The following RELN variants were observed in gnomAD, a reference collection of about 807,000 sequenced individuals.
The protein encoded by RELN is reelin.
Under a neutral mutation model 427.6 loss-of-function variants are expected in RELN, and 108 were observed. The observed-to-expected ratio is 0.25, with a 90% CI of 0.22 to 0.30. RELN has a LOEUF of 0.30. Among genes scored for constraint, RELN ranks in the 10% least tolerant of loss-of-function variants. RELN has a pLI of 1.00. For missense variants in RELN, 3,715 were observed against 4,302.8 expected (o/e 0.86, Z 3.82); for synonymous variants, 1,524 against 1,513.4 (o/e 1.01, Z -0.16).
intron 3 of RELN, among the ~76,000 whole-genome samples, chr7:103,828,441 T>G (rs1332651206): frequency 6.6e-6 from 1 of 152,006 alleles, no homozygotes; most frequent in Non-Finnish European, 1.5e-5. Context: ...TTGTCCATGC[T>G]CAGTATCTTA....
intron 3 of RELN, among the ~76,000 whole-genome samples, chr7:103,829,285 C>T (rs1793218443): frequency 6.6e-6 from 1 of 151,258 alleles, no homozygotes; most frequent in Admixed American, 6.6e-5. Flanking sequence ...GGCTTTCTTT[C>T]TTCTTTCTTT....
Position 103,515,526 on chromosome 7 carries a change from G to A in RELN, c.7863-85C>T, listed in dbSNP as rs1381904269. ...GTAAAAGATTTACAACCAGCCATAA[G>A]ATAATGTATGTCACATGGTGGGTGA... On this transcript the variant is annotated intron_variant, in intron 49 of 64. Transcript: ENST00000428762. 2.6e-6 allele frequency: 4 copies of A among 1,549,932 alleles called. No homozygotes were observed. The African/African-American group carries it at 4.1e-5, about 16-fold the overall frequency.
intron 1 of RELN, among the ~76,000 whole-genome samples, chr7:103,945,378 A>G (rs1796199510): frequency 6.6e-6 from 1 of 152,172 alleles, no homozygotes; most frequent in African/African-American, 2.4e-5. Flanking sequence ...GACACTTTCC[A>G]ACAGCTGATC....
chr7:103,979,833 C>A (rs577112197), intron 1 of RELN, among the ~76,000 whole-genome samples: 138 of 152,296 alleles, frequency 9.1e-4, no homozygotes, highest in African/African-American at 3.1e-3. Flanking sequence ...TATATAAGTT[C>A]TATTAGTGTG....
chr7:103,571,231 G>A (rs1341789542), intron 31 of RELN, among the ~76,000 whole-genome samples: 11 of 152,198 alleles, frequency 7.2e-5, no homozygotes, highest in Non-Finnish European at 1.3e-4. Context: ...AACTTAGAAG[G>A]TGCAAACTCT....
At chr7:103,834,772 G>A (rs1793359401) in intron 2 of RELN, among the ~76,000 whole-genome samples, 2 of 152,132 alleles carry the variant, frequency 1.3e-5, no homozygotes, top group African/African-American at 4.8e-5. Context: ...ATATTAGAAT[G>A]TCCCAAATCC....
chr7:103,790,213 T>C (rs1311526632), intron 3 of RELN, among the ~76,000 whole-genome samples: 4 of 151,992 alleles, frequency 2.6e-5, no homozygotes, highest in Non-Finnish European at 4.4e-5. Context: ...AGTGATAGCA[T>C]TGGGAGAAAT....
chr7:103,907,303 C>G (rs934370272), intron 2 of RELN, among the ~76,000 whole-genome samples: 1 of 142,910 alleles, frequency 7.0e-6, no homozygotes, highest in African/African-American at 2.6e-5. Context: ...GTAGTCCCAG[C>G]TTCTCGGGAG....
In RELN at chr7:103,824,927, C is replaced by T. The variant is rs944303574; in HGVS notation, c.473+8610G>A. 5.3e-5 allele frequency among the ~76,000 whole-genome samples: 8 copies of T among 151,940 alleles called. No individual in the cohort carries two copies. The highest frequency in any genetic ancestry group is 1.5e-4 in the African/African-American group (6 of 41,350). On this transcript the variant is annotated intron_variant, in intron 3 of 64. Coordinates refer to ENST00000428762, the MANE Select transcript of RELN (RefSeq NM_005045.4). This position sits in a 1 kb window ranked among gnomAD's most constrained non-coding sequence, Gnocchi z 4.4. ...GTATAGGATGGTGGTTTAAAGAACA[C>T]GTTTTGGATCAAAACACACCTGTCT...
chr7:103,496,974 A>G (rs1198666303), intron 55 of RELN, among the ~76,000 whole-genome samples: 1 of 152,228 alleles, frequency 6.6e-6, no homozygotes, highest in Non-Finnish European at 1.5e-5. Flanking sequence ...GGATATTTCG[A>G]AAGAGTTGGC....
At chr7:103,904,971 T>G (rs1361152274) in intron 2 of RELN, among the ~76,000 whole-genome samples, 1 of 132,144 alleles carries the variant, frequency 7.6e-6, no homozygotes, top group African/African-American at 2.9e-5. Context: ...CTTGAAGTTC[T>G]TTCCTTTTTT....
chr7:103,494,960 G>A (rs1360062818), intron 57 of RELN, among the ~76,000 whole-genome samples: 6 of 151,974 alleles, frequency 3.9e-5, no homozygotes, highest in East Asian at 1.9e-4. Context: ...GAGAGACAGC[G>A]GAAGGGAAGG....
At chr7:103,816,530 AACACACAC>A (rs57873981) in intron 3 of RELN, among the ~76,000 whole-genome samples, 2 of 143,736 alleles carry the variant, frequency 1.4e-5, no homozygotes, top group African/African-American at 5.1e-5. Flanking sequence ...TTTCTCTAGA[AACACACAC>A]ACACACACAC....
chr7:103,812,316 T>C (rs1274169283), intron 3 of RELN, among the ~76,000 whole-genome samples: 1 of 152,194 alleles, frequency 6.6e-6, no homozygotes, highest in Non-Finnish European at 1.5e-5. Context: ...CTTCTTGCCC[T>C]TCTGACCTTG....
chr7:103,709,487 T>C lies in RELN; in HGVS notation c.806-8481A>G, dbSNP rs189287464. On this transcript the variant is annotated intron_variant, in intron 8 of 64. Coordinates refer to ENST00000428762, the MANE Select transcript of RELN (RefSeq NM_005045.4). ...CCAAACTAAATTCCTGCTTAACTCA[T>C]GGTTCATTGTTGTTACCCAGTTCTA... Among the ~76,000 whole-genome samples the C allele has an allele frequency of 1.8e-4, 27 of 152,350 alleles. 1 individual carries two copies. The highest frequency in any genetic ancestry group is 1.7e-3 in the Admixed American group (26 of 15,308).
intron 41 of RELN, among the ~76,000 whole-genome samples, chr7:103,549,408 C>T (rs1243863359): frequency 6.6e-6 from 1 of 152,136 alleles, no homozygotes; most frequent in Non-Finnish European, 1.5e-5. Context: ...GAACTAATTG[C>T]CCCCTAAAAT....
At chr7:103,520,971 T>TTTTTTTA in intron 48 of RELN, among the ~76,000 whole-genome samples, 1 of 127,356 alleles carries the variant, frequency 7.9e-6, no homozygotes, top group South Asian at 2.7e-4. Context: ...TTTTTTTTTT[T>TTTTTTTA]TTTTTTTTTT....
intron 2 of RELN, among the ~76,000 whole-genome samples, chr7:103,859,126 A>T (rs539306623): frequency 1.3e-5 from 2 of 152,322 alleles, no homozygotes; most frequent in South Asian, 4.1e-4. Flanking sequence ...AGTAGAGAAT[A>T]ATACATACAT....
intron 3 of RELN, among the ~76,000 whole-genome samples, chr7:103,786,847 C>T (rs1439736482): frequency 6.6e-6 from 1 of 152,020 alleles, no homozygotes; most frequent in Non-Finnish European, 1.5e-5. Context: ...CTGGACCAAG[C>T]GGACCTAAAA....
Sources: allele counts gnomAD v4.1 joint callset (sites outside exome capture counted in the v4.1 genomes callset), GRCh38; gene constraint gnomAD v4.1.1; non-coding constraint Gnocchi (gnomAD v3.1); transcripts MANE v1.5; gene names NCBI Gene and HGNC (gene_info 2026-07-23, HGNC 2026-07-21).